Variants in TTLL12 observed in about 807,000 individuals in gnomAD.
The protein encoded by TTLL12 is tubulin tyrosine ligase like 12.
A neutral mutation model predicts 79.6 loss-of-function variants in TTLL12; 77 were observed. That is an observed-to-expected ratio of 0.97 (90% CI 0.81 to 1.17). The LOEUF (loss-of-function observed/expected upper bound fraction) is 1.17. Ranked by LOEUF, TTLL12 falls within the 50% of genes most tolerant of loss-of-function variation. The pLI is 0.00. For missense variants in TTLL12, 969 were observed against 895.9 expected (o/e 1.08, Z -1.04); for synonymous variants, 437 against 376.1 (o/e 1.16, Z -1.87).
rs1029728775 is a variant in TTLL12 at position 43,179,679 on chromosome 22, G to A, written c.780C>T (p.Ala260=). The A allele has an allele frequency of 1.9e-6, 3 of 1,577,036 alleles. No individual in the cohort carries two copies. The African/African-American group carries it at 4.1e-5, about 21-fold the overall frequency. The part of the protein sequence containing the change: ...LIRKCMLLPW[A]PTDMLDLSSC... Reference sequence around the variant, plus strand: ...AGCTGAGGTCCAGCATGTCGGTGGGGGCCCAGGGCAGCAGCATGCACTTCC... The same window carrying A: ...AGCTGAGGTCCAGCATGTCGGTGGGAGCCCAGGGCAGCAGCATGCACTTCC... The change falls in exon 5 of 14, where the codon GCC becomes GCT. Residue 260 remains alanine, a synonymous_variant. Coordinates refer to ENST00000216129, the MANE Select transcript of TTLL12 (RefSeq NM_015140.4).
chr22:43,180,119 C>T, intron 3 of TTLL12, 119 bp from the exon 4 acceptor site: 1 of 1,236,936 alleles, frequency 8.1e-7, no homozygotes, highest in Non-Finnish European at 1.1e-6. Flanking sequence ...GAGGCCCTCT[C>T]ACATGTACCC....
chr22:43,173,211 C>T (rs1175287485), intron 9 of TTLL12, among the ~76,000 whole-genome samples: 18 of 152,330 alleles, frequency 1.2e-4, no homozygotes, highest in African/African-American at 2.4e-5. Context: ...ATCTTTACCA[C>T]GGCTCTGAGA....
At chr22:43,179,027 C>T (rs1406528085) in intron 5 of TTLL12, among the ~76,000 whole-genome samples, 6 of 152,056 alleles carry the variant, frequency 3.9e-5, no homozygotes, top group African/African-American at 7.2e-5. Context: ...GAGGTGGCTA[C>T]GCTCCCACAG....
Position 43,176,399 on chromosome 22 carries a change from A to T in TTLL12, c.841-3T>A, listed in dbSNP as rs374769998. Reference sequence around the variant, plus strand: ...TCCTTGTTTTCCTCCAGAATGGCCTAAAAGGAAACACACCGGAAGTAGAGA... The same window carrying T: ...TCCTTGTTTTCCTCCAGAATGGCCTTAAAGGAAACACACCGGAAGTAGAGA... On this transcript the variant is annotated splice_region_variant and splice_polypyrimidine_tract_variant and intron_variant, in intron 5 of 13. Transcript: ENST00000216129. 9.1e-5 allele frequency: 146 copies of T among 1,603,254 alleles called. No homozygotes were observed. In the African/African-American group the frequency reaches 1.7e-3, roughly 18 times the overall value.
rs753905675 is a variant in TTLL12 at position 43,176,303 on chromosome 22, G to GC, written c.917+16_917+17insG. The GC allele has an allele frequency of 8.3e-6, 10 of 1,209,134 alleles. No individual in the cohort carries two copies. The African/African-American group carries it at 8.7e-5, about 11-fold the overall frequency. 74.9% of individuals were successfully genotyped at this position (1,209,134 alleles called of 1,614,324 possible). On this transcript the variant is annotated intron_variant, in intron 6 of 13. Coordinates refer to ENST00000216129, the MANE Select transcript of TTLL12 (RefSeq NM_015140.4). ...GCGGACAAGTCCCAGCCCAAGCAGTGGGGGGGGGCTACGCACTTGAAGATG... is the reference window on the plus strand; with the variant it reads ...GCGGACAAGTCCCAGCCCAAGCAGTGCGGGGGGGGCTACGCACTTGAAGATG...
intron 5 of TTLL12, among the ~76,000 whole-genome samples, chr22:43,177,370 T>A (rs1342603735): frequency 2.0e-5 from 3 of 150,538 alleles, no homozygotes; most frequent in East Asian, 2.0e-4. Context: ...CTATCTTTTT[T>A]AAAAAATTAA....
At chr22:43,176,506 G>A (rs1211043184) in intron 5 of TTLL12, 110 bp from the exon 6 acceptor site, 1 of 847,752 alleles carries the variant, frequency 1.2e-6, no homozygotes, top group East Asian at 2.6e-5. Context: ...GAGGCAGGTG[G>A]ATCACGTGAT....
intron 2 of TTLL12, 36 bp from the exon 3 acceptor site, chr22:43,180,976 G>A: frequency 6.3e-7 from 1 of 1,594,242 alleles, no homozygotes; most frequent in Non-Finnish European, 8.6e-7. Flanking sequence ...GCTGCCGGGT[G>A]GGCATGGGGC....
chr22:43,174,734 T>C, intron 6 of TTLL12, 119 bp from the exon 7 acceptor site: 1 of 742,856 alleles, frequency 1.3e-6, no homozygotes, highest in Non-Finnish European at 2.2e-6. Flanking sequence ...CAGAGGCAAG[T>C]CCTGGGTTCG....
In TTLL12 at chr22:43,168,812, G is replaced by A. The variant is rs1277535717; in HGVS notation, c.1745C>T (p.Ala582Val). ...GTCCCACTTCAGCATGAGGTCGACG[G>A]CATACATGGCCCGGGATGAGGGGTA... ...CDYPSSRAMY[A>V]VDLMLKWDNG... The change falls in exon 13 of 14, where the codon GCC becomes GTC. Residue 582 changes from alanine (A) to valine (V), a missense_variant. Coordinates refer to ENST00000216129, the MANE Select transcript of TTLL12 (RefSeq NM_015140.4). 9 of 1,581,670 alleles carry A rather than the reference G, an allele frequency of 5.7e-6. No homozygotes were observed. The highest frequency in any genetic ancestry group is 7.7e-6 in the Non-Finnish European group (9 of 1,164,572).
chr22:43,173,610 G>A, intron 9 of TTLL12, 105 bp downstream of exon 9: 1 of 1,098,812 alleles, frequency 9.1e-7, no homozygotes, highest in Non-Finnish European at 1.3e-6. Flanking sequence ...ACCCTGCCCA[G>A]CCTGGACCTG....
chr22:43,181,757 T>TG (rs374459821), intron 2 of TTLL12, among the ~76,000 whole-genome samples: 1 of 152,174 alleles, frequency 6.6e-6, no homozygotes, highest in East Asian at 1.9e-4. Flanking sequence ...GTTCTTAGGC[T>TG]GGGGGGCAAG....
At chr22:43,174,462 T>G in intron 7 of TTLL12, 37 bp downstream of exon 7, 1 of 1,579,960 alleles carries the variant, frequency 6.3e-7, no homozygotes, top group Non-Finnish European at 8.6e-7. Context: ...CTAGAAGCCC[T>G]GACTGGGAGG....
chr22:43,186,964 C>T lies in TTLL12; in HGVS notation c.106G>A (p.Gly36Ser), dbSNP rs963593140. Residue 36 changes from glycine (G) to serine (S), a missense_variant, in exon 1 of 14, where the codon GGC becomes AGC. Coordinates refer to ENST00000216129, the MANE Select transcript of TTLL12 (RefSeq NM_015140.4). ...QALAEFAALH[G>S]PALRASGVPE... ...ACCCCCGAAGCGCGCAGCGCCGGGC[C>T]GTGCAGCGCCGCGAACTCGGCCAAG... The T allele has an allele frequency of 1.1e-5, 14 of 1,324,166 alleles. No homozygotes were observed. Among genetic ancestry groups the T allele is most frequent in the Non-Finnish European group, 1.4e-5 (14 of 1,032,890 alleles). 82.0% of individuals were successfully genotyped at this position (1,324,166 alleles called of 1,614,324 possible).
intron 9 of TTLL12, 38 bp from the exon 10 acceptor site, chr22:43,172,592 C>G (rs1396476914): frequency 6.2e-7 from 1 of 1,612,614 alleles, no homozygotes; most frequent in Non-Finnish European, 8.5e-7. Context: ...GTGGCCAGGA[C>G]AGAGCCCCCT....
chr22:43,169,772 C>T lies in TTLL12; in HGVS notation c.1576-204G>A, dbSNP rs771097721. On this transcript the variant is annotated intron_variant, in intron 11 of 13. Transcript: ENST00000216129. ...GTCTTACTGTGTGACTCTGGACCAA[C>T]GGATTAACTTCTCTGAGCCTGTTTC... 71 of 659,108 alleles carry T rather than the reference C, an allele frequency of 1.1e-4. No homozygotes were observed. In the East Asian group the frequency reaches 1.5e-3, roughly 14 times the overall value. The allele number at this position is 659,108 out of a possible 1,614,324, so 40.8% of individuals were successfully genotyped here.
chr22:43,186,914 G>T lies in TTLL12; in HGVS notation c.156C>A (p.Leu52=), dbSNP rs1369109586. 5.2e-6 allele frequency: 7 copies of T among 1,354,590 alleles called. No individual in the cohort carries two copies. Among genetic ancestry groups the T allele is most frequent in the Admixed American group, 3.3e-5 (1 of 30,224 alleles). The allele number at this position is 1,354,590 out of a possible 1,614,324, so 83.9% of individuals were successfully genotyped here. A position where few individuals can be genotyped will look rare whatever the true frequency, so the allele number is the denominator to read the frequency against. Residue 52 remains leucine, a synonymous_variant, in exon 1 of 14, where the codon CTC becomes CTA. Coordinates refer to ENST00000216129, the MANE Select transcript of TTLL12 (RefSeq NM_015140.4). ...GCACCTCGTGCTCCAGCTTGTGCAG[G>T]AGGCGGCCCCAGTAACGTTCGGGGA... The part of the protein sequence containing the change: ...SGVPERYWGR[L]LHKLEHEVFD...
rs1932017563 is a variant in TTLL12, at chr22:43,180,102, G to A, written c.547-102C>T. The A allele has an allele frequency of 6.6e-6, 9 of 1,366,982 alleles. No individual in the cohort carries two copies. The South Asian group carries it at 9.5e-5, about 14-fold the overall frequency. 84.7% of individuals were successfully genotyped at this position (1,366,982 alleles called of 1,614,324 possible). The stretch of plus-strand genomic sequence containing the variant: ...ACCACCAGCCCACAGCCATTTCTCT[G>A]ATCTTGGAGGCCCTCTCACATGTAC... On this transcript the variant is annotated intron_variant, in intron 3 of 13. Coordinates refer to ENST00000216129, the MANE Select transcript of TTLL12 (RefSeq NM_015140.4).
rs1273567482 is a variant in TTLL12, at chr22:43,171,843, A to G, written c.1551T>C (p.Tyr517=). ...CCTGCTTCAGCACCACATCCGGGTC[A>G]TAGTTCATGACCGTGAAGTGCTTCT... The part of the protein sequence containing the change: ...DYEKHFTVMN[Y]DPDVVLKQVH... The change falls in exon 11 of 14, where the codon TAT becomes TAC. Residue 517 remains tyrosine (Y), a synonymous_variant. Coordinates refer to ENST00000216129, the MANE Select transcript of TTLL12 (RefSeq NM_015140.4). 3 of 1,614,068 alleles carry G rather than the reference A, an allele frequency of 1.9e-6. No individual in the cohort carries two copies. Among genetic ancestry groups the G allele is most frequent in the Non-Finnish European group, 2.5e-6 (3 of 1,180,016 alleles).
Sources: gnomAD v4.1 joint callset for allele counts (sites outside exome capture counted in the v4.1 genomes callset) on GRCh38, gnomAD v4.1.1 for gene constraint, MANE v1.5 for transcripts, NCBI Gene and HGNC (gene_info 2026-07-23, HGNC 2026-07-21) for gene names.